Variants in MTHFD1L observed in about 807,000 individuals in gnomAD.
MTHFD1L encodes monofunctional C1-tetrahydrofolate synthase, mitochondrial.
MTHFD1L carries 81 observed loss-of-function variants against 119.5 expected under a neutral mutation model. The ratio of observed to expected loss-of-function variants is 0.68; its 90% confidence interval spans 0.57 to 0.82. The LOEUF (loss-of-function observed/expected upper bound fraction) is 0.82, where lower values mean the gene tolerates loss of function less well. MTHFD1L is among the 40% of genes least tolerant of loss of function. The probability of loss-of-function intolerance (pLI) is 0.00; values close to 1 mark genes in which losing one functional copy is unlikely to be tolerated. For synonymous variants in MTHFD1L, 430 were observed against 475.2 expected, an observed-to-expected ratio of 0.90 and a Z score of 1.24; for missense variants, 1,125 against 1,253.4, an observed-to-expected ratio of 0.90 and a Z score of 1.55.
chr6:151,017,270 T>C (rs1028139692), intron 24 of MTHFD1L, among the ~76,000 whole-genome samples: 6 of 152,130 alleles, frequency 3.9e-5, no homozygotes, highest in Non-Finnish European at 8.8e-5. Flanking sequence ...AGGGACCTCA[T>C]GTAAGTAGCA....
chr6:151,068,344 T>C (rs1287741478), intron 26 of MTHFD1L, among the ~76,000 whole-genome samples: 1 of 152,346 alleles, frequency 6.6e-6, no homozygotes, highest in Non-Finnish European at 1.5e-5. Flanking sequence ...CAAGATCTTA[T>C]CAGTGATGGA....
At chr6:150,965,215 T>G (rs553301722) in intron 19 of MTHFD1L, among the ~76,000 whole-genome samples, 178 bp downstream of exon 19, 1 of 152,176 alleles carries the variant, frequency 6.6e-6, no homozygotes, top group African/African-American at 2.4e-5. Context: ...ATTTTGACAT[T>G]GCTACAAGGA....
At chr6:151,036,467 C>A (rs1786179966) in intron 25 of MTHFD1L, among the ~76,000 whole-genome samples, 2 of 152,100 alleles carry the variant, frequency 1.3e-5, no homozygotes, top group African/African-American at 2.4e-5. Flanking sequence ...TAAATAGTGA[C>A]CTCATCTTAG....
rs189193020 is a variant in MTHFD1L, at chr6:151,000,944, G to A, written c.2126-8875G>A. On this transcript the variant is annotated intron_variant, in intron 20 of 27. Transcript: ENST00000367321. ...ATTTTTGTTTTTGATTTGTTGTGAG[G>A]AAGCAAAGTGTAGCCTTTACTTGAA... 5.6e-4 allele frequency among the ~76,000 whole-genome samples: 85 copies of A among 152,336 alleles called. 1 individual carries two copies. Among genetic ancestry groups the A allele is most frequent in the Admixed American group, 3.3e-4 (5 of 15,296 alleles).
chr6:151,050,728 G>A (rs1788892277), intron 26 of MTHFD1L, among the ~76,000 whole-genome samples: 1 of 151,934 alleles, frequency 6.6e-6, no homozygotes, highest in Non-Finnish European at 1.5e-5. Context: ...TTGGTGTATG[G>A]GGAAACCCCA....
Position 150,984,428 on chromosome 6 carries a change from C to T in MTHFD1L, c.2125+12370C>T, listed in dbSNP as rs140552300. On this transcript the variant is annotated intron_variant, in intron 20 of 27. Coordinates refer to ENST00000367321, the MANE Select transcript of MTHFD1L (RefSeq NM_015440.5). ...AAGTAGCTAGAAAGCCTTTTTCCCC[C>T]CTTTATTCAGATAAAGTAACTGAAG... 4.3e-3 allele frequency among the ~76,000 whole-genome samples: 657 copies of T among 151,968 alleles called. 16 individuals carry two copies. Among genetic ancestry groups the T allele is most frequent in the East Asian group, 7.0e-3 (36 of 5,170 alleles).
At chr6:150,903,252 C>G (rs1041447270) in intron 7 of MTHFD1L, among the ~76,000 whole-genome samples, 1 of 126,756 alleles carries the variant, frequency 7.9e-6, no homozygotes, top group East Asian at 2.2e-4. Context: ...GAGTCTTGCT[C>G]CATCGCCCAG....
In MTHFD1L at chr6:150,901,794, T is replaced by G. The variant is rs376874995; in HGVS notation, c.781-3856T>G. Among the ~76,000 whole-genome samples, 486 of 152,332 alleles carry G rather than the reference T, an allele frequency of 3.2e-3. 4 individuals carry two copies. Among genetic ancestry groups the G allele is most frequent in the African/African-American group, 0.011 (472 of 41,562 alleles). ...TGGACAAAGAACCTACCTGTTAATT[T>G]TTTAAAGTAATGTTCATCATTTTGA... On this transcript the variant is annotated intron_variant, in intron 7 of 27. Transcript: ENST00000367321.
Position 150,865,793 on chromosome 6 carries a change from G to C in MTHFD1L, c.-30G>C, listed in dbSNP as rs996984452. On this transcript the variant is annotated 5_prime_UTR_variant, in exon 1 of 28. Coordinates refer to ENST00000367321, the MANE Select transcript of MTHFD1L (RefSeq NM_015440.5). ...CGCCGCCCTCGGCAGCCGCAGCTCC[G>C]TGTCCCCTGAGAACCAGCCGTCCCG... 2 of 1,291,344 alleles carry C rather than the reference G, an allele frequency of 1.5e-6. No homozygotes were observed. Among genetic ancestry groups the C allele is most frequent in the Non-Finnish European group, 2.0e-6 (2 of 1,012,970 alleles). 80.0% of individuals were successfully genotyped at this position (1,291,344 alleles called of 1,614,324 possible).
intron 17 of MTHFD1L, among the ~76,000 whole-genome samples, chr6:150,956,352 T>G (rs1329098766): frequency 6.6e-6 from 1 of 152,226 alleles, no homozygotes; most frequent in African/African-American, 2.4e-5. Flanking sequence ...TCTTTGAATA[T>G]AAATTCTCAC....
chr6:150,913,380 TGG>T (rs576785653), intron 8 of MTHFD1L, among the ~76,000 whole-genome samples: 2,033 of 152,174 alleles, frequency 0.013, 18 homozygotes, highest in Middle Eastern at 0.02. Context: ...TTAGCCAGGA[TGG>T]TCTCGATCTC....
chr6:150,865,840 G>A lies in MTHFD1L; in HGVS notation c.18G>A (p.Pro6=). The A allele has an allele frequency of 4.0e-6, 5 of 1,259,534 alleles. No homozygotes were observed. The South Asian group carries it at 6.2e-5, about 16-fold the overall frequency. 78.0% of individuals were successfully genotyped at this position (1,259,534 alleles called of 1,614,324 possible). The change falls in exon 1 of 28, where the codon CCG becomes CCA. Residue 6 remains proline (P), a synonymous_variant. Transcript: ENST00000367321. MGTRL[P]LVLRQLRRPP... ...CCCGCGCCATGGGCACGCGTCTGCC[G>A]CTCGTCCTGCGCCAGCTCCGCCGCC...
chr6:150,916,136 A>G (rs1428979492), intron 8 of MTHFD1L, among the ~76,000 whole-genome samples: 1 of 152,196 alleles, frequency 6.6e-6, no homozygotes, highest in Non-Finnish European at 1.5e-5. Flanking sequence ...AATACAGTTT[A>G]AGAATAGAGT....
intron 26 of MTHFD1L, among the ~76,000 whole-genome samples, chr6:151,085,638 G>A (rs1793720748): frequency 6.6e-6 from 1 of 152,170 alleles, no homozygotes; most frequent in Non-Finnish European, 1.5e-5. Context: ...GGCCATGGTG[G>A]TGGGTGCCTG....
chr6:151,050,154 A>G (rs1342185051), intron 26 of MTHFD1L, among the ~76,000 whole-genome samples: 1 of 151,970 alleles, frequency 6.6e-6, no homozygotes, highest in Non-Finnish European at 1.5e-5. Context: ...GTCCTTTGCA[A>G]TATCTTTTTG....
chr6:150,970,213 T>A (rs1249344908), intron 19 of MTHFD1L, among the ~76,000 whole-genome samples: 1 of 152,218 alleles, frequency 6.6e-6, no homozygotes, highest in Non-Finnish European at 1.5e-5. Flanking sequence ...GAATATTGAT[T>A]GATTGATGCC....
Position 150,961,113 on chromosome 6 carries a change from T to G in MTHFD1L, c.1944+698T>G, listed in dbSNP as rs1230691353. ...ACTTTTTTTTTTTTTTTTTTTTTTC[T>G]GAGACAGTCTGGCTCTGTTGCCCAG... is the stretch of plus-strand genomic sequence containing the variant. On this transcript the variant is annotated intron_variant, in intron 18 of 27. Transcript: ENST00000367321. Among the ~76,000 whole-genome samples, 3 of 109,478 alleles carry G rather than the reference T, an allele frequency of 2.7e-5. No homozygotes were observed. In the East Asian group the frequency reaches 7.7e-4, roughly 28 times the overall value. The allele number at this position is 109,478 out of a possible 152,430, so 71.8% of individuals were successfully genotyped here.
Position 150,972,005 on chromosome 6 carries a change from C to G in MTHFD1L, c.2072C>G (p.Ser691Ter). The G allele has an allele frequency of 6.2e-7, 1 of 1,614,138 alleles. No individual in the cohort carries two copies. The highest frequency in any genetic ancestry group is 1.1e-5 in the South Asian group (1 of 91,082). Residue 691 changes from serine (S) to a stop codon, truncating the protein, a stop_gained, in exon 20 of 28, where the codon TCA becomes TGA. Coordinates refer to ENST00000367321, the MANE Select transcript of MTHFD1L (RefSeq NM_015440.5). LOFTEE classifies it high-confidence loss of function. ...PFANIAHGNS[S>*]VLADKIALKL... is the part of the protein sequence containing the mutation. The stretch of plus-strand genomic sequence containing the variant: ...GCTAACATTGCTCACGGCAACTCTT[C>G]AGTGTTGGCTGATAAAATTGCCCTG...
chr6:151,029,300 A>T (rs1785013097), intron 24 of MTHFD1L, among the ~76,000 whole-genome samples: 1 of 151,826 alleles, frequency 6.6e-6, no homozygotes, highest in African/African-American at 2.4e-5. Context: ...GGGAGCCTGT[A>T]ATCCCAGCTG....
Sources: allele counts gnomAD v4.1 joint callset (sites outside exome capture counted in the v4.1 genomes callset), GRCh38; gene constraint gnomAD v4.1.1; transcripts MANE v1.5; gene names NCBI Gene and HGNC (gene_info 2026-07-23, HGNC 2026-07-21).